The following ADAT1 variants were observed in gnomAD, a reference collection of about 807,000 sequenced individuals.
ADAT1 encodes the protein adenosine deaminase tRNA specific 1.
In ADAT1, 58 loss-of-function variants were observed where a neutral mutation model predicts 58.6. That is an observed-to-expected ratio of 0.99 (90% CI 0.80 to 1.23). ADAT1 has a LOEUF of 1.23. Ranked by LOEUF, ADAT1 falls within the 50% of genes most tolerant of loss-of-function variation. ADAT1 has a pLI of 0.00. For synonymous variants in ADAT1, 254 were observed against 220.8 expected, an observed-to-expected ratio of 1.15 and a Z score of -1.33; for missense variants, 741 against 608.6, an observed-to-expected ratio of 1.22 and a Z score of -2.29.
chr16:75,611,452 C>G (rs1353851974), intron 6 of ADAT1, among the ~76,000 whole-genome samples: 1 of 151,946 alleles, frequency 6.6e-6, no homozygotes, highest in Non-Finnish European at 1.5e-5. Flanking sequence ...GTGGAATGAC[C>G]TTGGTTCACT....
In ADAT1 at chr16:75,597,338, G is replaced by A. The variant is rs1431342575; in HGVS notation, c.*2878C>T. 2 of 448,440 alleles carry A rather than the reference G, an allele frequency of 4.5e-6. No individual in the cohort carries two copies. Among genetic ancestry groups the A allele is most frequent in the Middle Eastern group, 3.4e-4 (1 of 2,972 alleles). The allele number at this position is 448,440 out of a possible 1,614,324, so 27.8% of individuals were successfully genotyped here. ...AGAAGGCCATGTGAAGACGGAGGGAGAAACTGAAGTGATGCAGCCACAAGC... is the reference window on the plus strand; with the variant it reads ...AGAAGGCCATGTGAAGACGGAGGGAAAAACTGAAGTGATGCAGCCACAAGC... On this transcript the variant is annotated 3_prime_UTR_variant, in exon 10 of 10. Coordinates refer to ENST00000564657, the MANE Select transcript of ADAT1 (RefSeq NM_001324445.2).
chr16:75,620,152 G>C, intron 3 of ADAT1, 114 bp downstream of exon 3: 1 of 1,020,326 alleles, frequency 9.8e-7, no homozygotes, highest in Non-Finnish European at 1.5e-6. Flanking sequence ...ATAGTCAGTA[G>C]GAAACAAATG....
intron 3 of ADAT1, among the ~76,000 whole-genome samples, chr16:75,620,015 G>C (rs1283467491): frequency 6.6e-6 from 1 of 152,136 alleles, no homozygotes; most frequent in Admixed American, 6.6e-5. Context: ...TAAACCCAGG[G>C]ACTCTGTGGT....
At chr16:75,614,337 T>G (rs2081639780) in intron 5 of ADAT1, among the ~76,000 whole-genome samples, 1 of 152,214 alleles carries the variant, frequency 6.6e-6, no homozygotes, top group African/African-American at 2.4e-5. Context: ...GTGTTTCCTC[T>G]TGCTGGTTTA....
At chr16:75,615,869 T>C (rs879273586) in intron 5 of ADAT1, among the ~76,000 whole-genome samples, 1 of 152,204 alleles carries the variant, frequency 6.6e-6, no homozygotes, top group African/African-American at 2.4e-5. Context: ...AGGAGCTGAT[T>C]AGGAAACAAC....
At chr16:75,620,878 A>G in intron 1 of ADAT1, 58 bp from the exon 2 acceptor site, 1 of 1,438,780 alleles carries the variant, frequency 7.0e-7, no homozygotes, top group Non-Finnish European at 9.4e-7. Context: ...GCACGATGCT[A>G]CAGCCTCTCA....
At chr16:75,612,907 C>G (rs754320136) in intron 5 of ADAT1, 46 bp from the exon 6 acceptor site, 1 of 1,570,636 alleles carries the variant, frequency 6.4e-7, no homozygotes, top group Admixed American at 1.9e-5. Context: ...CAAGTGAGGT[C>G]CCTGGACCAG....
intron 7 of ADAT1, 45 bp downstream of exon 7, chr16:75,608,798 C>A: frequency 6.3e-7 from 1 of 1,584,896 alleles, no homozygotes; most frequent in South Asian, 1.1e-5. Context: ...CACTCTCAGT[C>A]AGGGGAGCAG....
intron 4 of ADAT1, 85 bp from the exon 5 acceptor site, chr16:75,617,357 C>T (rs575112024): frequency 2.7e-6 from 4 of 1,467,056 alleles, no homozygotes; most frequent in Non-Finnish European, 2.8e-6. Context: ...ACTAAGACAG[C>T]TTACTGTAGA....
chr16:75,620,756 T>C lies in ADAT1; in HGVS notation c.44A>G (p.Tyr15Cys), dbSNP rs199500053. Residue 15 changes from tyrosine (Y) to cysteine (C), a missense_variant, in exon 2 of 10, where the codon TAT becomes TGT. Coordinates refer to ENST00000564657, the MANE Select transcript of ADAT1 (RefSeq NM_001324445.2). ...CCCCTTCTTGGGCAGCCTGATCCCA[T>C]AGTGTTCATAGCATAGCTGAGCAAT... ...DEIAQLCYEH[Y>C]GIRLPKKGKP... 47 of 1,614,190 alleles carry C rather than the reference T, an allele frequency of 2.9e-5. No homozygotes were observed. Among genetic ancestry groups the C allele is most frequent in the Non-Finnish European group, 3.6e-5 (42 of 1,180,018 alleles).
chr16:75,604,453 AAAAATAT>A (rs1567464505), intron 8 of ADAT1, among the ~76,000 whole-genome samples: 4 of 76,096 alleles, frequency 5.3e-5, no homozygotes, highest in Admixed American at 2.1e-4. Context: ...AAAAAAAAAA[AAAAATAT>A]ATATATATAT....
At position 75,608,895 on chromosome 16, in the gene ADAT1, C is replaced by T. The variant is rs531442684; in HGVS notation, c.1137G>A (p.Ala379=). The T allele has an allele frequency of 4.1e-5, 66 of 1,613,754 alleles. No homozygotes were observed. The Middle Eastern group carries it at 6.6e-4, about 16-fold the overall frequency. The part of the protein sequence containing the change: ...SDLLFEQSRS[A]VQAKRADSPG... ...GGCTATCAGCCCTTTTTGCCTGCAC[C>T]GCACTGCGGCTCTGTTCAAATAGTA... is the stretch of plus-strand genomic sequence containing the variant. Residue 379 remains alanine (A), a synonymous_variant, in exon 7 of 10, where the codon GCG becomes GCA. Transcript: ENST00000564657.
At chr16:75,607,776 G>A (rs777458955) in intron 8 of ADAT1, among the ~76,000 whole-genome samples, 17 of 152,164 alleles carry the variant, frequency 1.1e-4, no homozygotes, top group Non-Finnish European at 2.5e-4. Context: ...AGTGGTACAT[G>A]AAATGTTCAT....
intron 4 of ADAT1, among the ~76,000 whole-genome samples, 162 bp downstream of exon 4, chr16:75,618,424 T>C (rs2081812548): frequency 6.6e-6 from 1 of 151,010 alleles, no homozygotes; most frequent in Non-Finnish European, 1.5e-5. Flanking sequence ...GAGAATTGCT[T>C]GAACCCAGCA....
Position 75,615,480 on chromosome 16 carries a change from T to TAAAAAAAA in ADAT1, c.424+1654_424+1661dup, listed in dbSNP as rs56149357. On this transcript the variant is annotated intron_variant, in intron 5 of 9. Coordinates refer to ENST00000564657, the MANE Select transcript of ADAT1 (RefSeq NM_001324445.2). ...CGAACGCAAACGATAGTTGATGAGC[T>TAAAAAAAA]AAAAAAAAAAAAAAAAAAAAAAAAA... Among the ~76,000 whole-genome samples, 6 of 32,948 alleles carry TAAAAAAAA rather than the reference T, an allele frequency of 1.8e-4. 1 individual carries two copies. Among genetic ancestry groups the TAAAAAAAA allele is most frequent in the South Asian group, 4.5e-4 (1 of 2,236 alleles). 21.6% of individuals were successfully genotyped at this position (32,948 alleles called of 152,430 possible).
intron 8 of ADAT1, among the ~76,000 whole-genome samples, chr16:75,606,395 T>A (rs1015495995): frequency 6.6e-6 from 1 of 152,142 alleles, no homozygotes; most frequent in Non-Finnish European, 1.5e-5. Context: ...GAATAACCAT[T>A]AAGATATTAC....
In ADAT1 at chr16:75,619,804, G is replaced by A. The variant is rs562236861; in HGVS notation, c.238+462C>T. 1.5e-5 allele frequency: 5 copies of A among 338,640 alleles called. No homozygotes were observed. The East Asian group carries it at 2.5e-4, about 17-fold the overall frequency. The allele number at this position is 338,640 out of a possible 1,614,324, so 21.0% of individuals were successfully genotyped here. On this transcript the variant is annotated intron_variant, in intron 3 of 9. Coordinates refer to ENST00000564657, the MANE Select transcript of ADAT1 (RefSeq NM_001324445.2). ...GGGTGCCTGCTGAGGCAGGAGAATC[G>A]CTTAAACCCAGGAAGGGGAGGTTGC...
intron 3 of ADAT1, 135 bp from the exon 4 acceptor site, chr16:75,618,775 C>T (rs2081832764): frequency 2.0e-6 from 2 of 975,770 alleles, no homozygotes; most frequent in African/African-American, 3.3e-5. Context: ...CAGAAGGTAC[C>T]ACAATCATGA....
In ADAT1 at chr16:75,608,987, A is replaced by T. The variant is rs1229673907; in HGVS notation, c.1045T>A (p.Cys349Ser). The change falls in exon 7 of 10, where the codon TGT (cysteine) becomes AGT (serine). Residue 349 changes from cysteine to serine, a missense_variant and splice_region_variant. Cys to Ser is a moderately radical substitution (Grantham distance 112). Coordinates refer to ENST00000564657, the MANE Select transcript of ADAT1 (RefSeq NM_001324445.2). ...EAMQRALIGR[C>S]QNVSALPKGF... ...TTTGGTAAAGCAGACACATTCTGAC[A>T]CCTAAATACAAGGGAAAATGCATTC... 6.2e-7 allele frequency: 1 copy of T among 1,613,956 alleles called. No individual in the cohort carries two copies. Among genetic ancestry groups the T allele is most frequent in the African/African-American group, 1.3e-5 (1 of 74,934 alleles).
Sources: gnomAD v4.1 joint callset for allele counts (sites outside exome capture counted in the v4.1 genomes callset) on GRCh38, gnomAD v4.1.1 for gene constraint, MANE v1.5 for transcripts, NCBI Gene and HGNC (gene_info 2026-07-23, HGNC 2026-07-21) for gene names.